Variants in ITFG1 observed in about 807,000 individuals in gnomAD.
ITFG1 encodes integrin alpha FG-GAP repeat containing 1.
A neutral mutation model predicts 81.8 loss-of-function variants in ITFG1; 34 were observed. The observed-to-expected ratio is 0.42, with a 90% CI of 0.32 to 0.55. The LOEUF is 0.55. Ranked by LOEUF, ITFG1 falls within the 20% of genes least tolerant of loss-of-function variation. The pLI is 0.17. For missense variants in ITFG1, 672 were observed against 755.4 expected (o/e 0.89, Z 1.29); for synonymous variants, 285 against 270.6 (o/e 1.05, Z -0.52).
intron 14 of ITFG1, among the ~76,000 whole-genome samples, chr16:47,169,266 A>T: frequency 6.6e-6 from 1 of 152,168 alleles, no homozygotes; most frequent in Non-Finnish European, 1.5e-5. Flanking sequence ...CAAACAGACC[A>T]CTTGAATCTG....
intron 2 of ITFG1, among the ~76,000 whole-genome samples, chr16:47,457,937 CTCAAAGT>C (rs1237129526): frequency 2.0e-5 from 3 of 152,170 alleles, no homozygotes; most frequent in African/African-American, 7.2e-5. Context: ...TAACTTTCCC[CTCAAAGT>C]TCTAGTTCAA....
chr16:47,224,227 A>G (rs888259214), intron 13 of ITFG1, among the ~76,000 whole-genome samples: 1 of 152,230 alleles, frequency 6.6e-6, no homozygotes, highest in South Asian at 2.1e-4. Flanking sequence ...AAATAAATAA[A>G]TAAAAGAAAA....
At chr16:47,225,967 T>C (rs1318366960) in intron 13 of ITFG1, among the ~76,000 whole-genome samples, 1 of 152,222 alleles carries the variant, frequency 6.6e-6, no homozygotes, top group East Asian at 1.9e-4. Flanking sequence ...TCTTTTCTCT[T>C]ACCTGATATA....
chr16:47,443,642 G>A (rs1406516569), intron 5 of ITFG1, among the ~76,000 whole-genome samples: 3 of 151,968 alleles, frequency 2.0e-5, no homozygotes, highest in East Asian at 1.9e-4. Flanking sequence ...GCAAACTATC[G>A]CAAGGAGAAA....
chr16:47,410,395 T>C (rs1334958514), intron 6 of ITFG1, among the ~76,000 whole-genome samples: 1 of 152,116 alleles, frequency 6.6e-6, no homozygotes, highest in Non-Finnish European at 1.5e-5. Context: ...ATATTAATTA[T>C]ATAATTCAGG....
intron 7 of ITFG1, among the ~76,000 whole-genome samples, chr16:47,370,493 C>T (rs926997434): frequency 1.3e-5 from 2 of 152,228 alleles, no homozygotes; most frequent in African/African-American, 4.8e-5. Context: ...AACTCTTCTC[C>T]ACCTTGCTCA....
In ITFG1 at chr16:47,165,101, A is replaced by T. The variant is rs570441629; in HGVS notation, c.1454-2437T>A. ...GGGAGAGCAAGTTCATGTGGTCCTC[A>T]CACTGCCATTCCAATAGTCAATCTT... On this transcript the variant is annotated intron_variant, in intron 14 of 17. Transcript: ENST00000320640. 2.1e-4 allele frequency among the ~76,000 whole-genome samples: 32 copies of T among 152,346 alleles called. No homozygotes were observed. In the South Asian group the frequency reaches 6.4e-3, roughly 31 times the overall value.
At chr16:47,315,791 A>ATATATATATATATATATACAC (rs199525088) in intron 8 of ITFG1, among the ~76,000 whole-genome samples, 1 of 149,372 alleles carries the variant, frequency 6.7e-6, no homozygotes, top group African/African-American at 2.6e-5. Context: ...ACATATATAT[A>ATATATATATATATATATACAC]ATTTATTATT....
intron 10 of ITFG1, among the ~76,000 whole-genome samples, chr16:47,309,068 CTTT>C (rs1188663308): frequency 3.7e-5 from 5 of 136,290 alleles, no homozygotes; most frequent in Admixed American, 7.4e-5. Flanking sequence ...AACATAACTT[CTTT>C]TTTTTTTTTT....
chr16:47,274,130 G>A (rs1966372837), intron 10 of ITFG1, among the ~76,000 whole-genome samples: 1 of 152,028 alleles, frequency 6.6e-6, no homozygotes. Context: ...GGTGGTGGGT[G>A]CCTGTAATCC....
intron 5 of ITFG1, among the ~76,000 whole-genome samples, chr16:47,431,564 G>C (rs1050602408): frequency 6.6e-6 from 1 of 152,170 alleles, no homozygotes; most frequent in African/African-American, 2.4e-5. Context: ...AGTGGGTACA[G>C]GGTTCCCTTT....
intron 6 of ITFG1, among the ~76,000 whole-genome samples, chr16:47,421,477 T>C (rs1250200690): frequency 6.6e-6 from 1 of 152,030 alleles, no homozygotes; most frequent in African/African-American, 2.4e-5. Flanking sequence ...GCTAACTTTC[T>C]GTATTTTAGT....
At chr16:47,226,947 TCA>T (rs1290971610) in intron 13 of ITFG1, among the ~76,000 whole-genome samples, 1 of 152,214 alleles carries the variant, frequency 6.6e-6, no homozygotes, top group Non-Finnish European at 1.5e-5. Flanking sequence ...TAAAATTATT[TCA>T]GTTTTAATTT....
In ITFG1 at chr16:47,260,473, T is replaced by C. The variant is rs1966196191; in HGVS notation, c.1221+72A>G. On this transcript the variant is annotated intron_variant, in intron 11 of 17. Transcript: ENST00000320640. ...GTGTTGTCCACATTTTCTGGTCAAA[T>C]GGAATGAAGCTAAAGTGTGACAAGG... 4 of 1,501,048 alleles carry C rather than the reference T, an allele frequency of 2.7e-6. No individual in the cohort carries two copies. The East Asian group carries it at 9.1e-5, about 34-fold the overall frequency. 93.0% of individuals were successfully genotyped at this position (1,501,048 alleles called of 1,614,324 possible).
chr16:47,316,417 C>T (rs1967359615), intron 8 of ITFG1, among the ~76,000 whole-genome samples: 1 of 152,162 alleles, frequency 6.6e-6, no homozygotes. Context: ...TAAGTACATA[C>T]ATTAAGGTCC....
At chr16:47,311,484 G>C in intron 9 of ITFG1, 72 bp from the exon 10 acceptor site, 1 of 1,161,930 alleles carries the variant, frequency 8.6e-7, no homozygotes, top group South Asian at 1.9e-5. Context: ...CAAAACAAAC[G>C]ATCCATTAAG....
At chr16:47,384,817 C>T (rs117338390) in intron 6 of ITFG1, among the ~76,000 whole-genome samples, 2 of 152,324 alleles carry the variant, frequency 1.3e-5, no homozygotes, top group African/African-American at 2.4e-5. Context: ...GTGGCTCACA[C>T]CTGTAATCCC....
Position 47,311,336 on chromosome 16 carries a change from G to A in ITFG1, c.974C>T (p.Pro325Leu). The change falls in exon 10 of 18, where the codon CCA (proline) becomes CTA (leucine). Residue 325 changes from proline (P) to leucine (L), a missense_variant. Physicochemically the swap from Pro to Leu is moderately conservative, Grantham distance 98. Coordinates refer to ENST00000320640, the MANE Select transcript of ITFG1 (RefSeq NM_030790.5). The stretch of plus-strand genomic sequence containing the variant: ...GGTAATTGGAATTGGTATTTCAGTT[G>A]GTTGCTGTTCATCCACAAATGGCAC... Reference protein sequence around the residue: ...GFVPFVDEQQPTEIPIPITLH... With the variant: ...GFVPFVDEQQLTEIPIPITLH... The A allele has an allele frequency of 6.2e-7, 1 of 1,613,526 alleles. No homozygotes were observed.
At chr16:47,344,554 G>A (rs1294827568) in intron 8 of ITFG1, among the ~76,000 whole-genome samples, 1 of 152,128 alleles carries the variant, frequency 6.6e-6, no homozygotes, top group African/African-American at 2.4e-5. Flanking sequence ...TTTTTCCAAA[G>A]GAATTATTTG....
Sources: allele counts gnomAD v4.1 joint callset (sites outside exome capture counted in the v4.1 genomes callset), GRCh38; gene constraint gnomAD v4.1.1; transcripts MANE v1.5; gene names NCBI Gene and HGNC (gene_info 2026-07-23, HGNC 2026-07-21).